CALD1: variants seen among roughly 807,000 people sequenced by gnomAD.
The protein encoded by CALD1 is caldesmon.
In CALD1, 33 loss-of-function variants were observed where a neutral mutation model predicts 99.9. The observed-to-expected ratio is 0.33, with a 90% CI of 0.25 to 0.44. CALD1 has a LOEUF of 0.44. Among genes scored for constraint, CALD1 ranks in the 20% least tolerant of loss-of-function variants. CALD1 has a pLI of 1.00. For missense variants in CALD1, 861 were observed against 962.1 expected, an observed-to-expected ratio of 0.89 and a Z score of 1.39; for synonymous variants, 310 against 325.0, an observed-to-expected ratio of 0.95 and a Z score of 0.50.
intron 3 of CALD1, among the ~76,000 whole-genome samples, chr7:134,872,093 C>T (rs537458285): frequency 2.6e-5 from 4 of 152,266 alleles, no homozygotes; most frequent in East Asian, 3.9e-4. Context: ...TCCAGCTGGG[C>T]GCAGTGGCTC....
intron 1 of CALD1, among the ~76,000 whole-genome samples, chr7:134,752,785 G>A (rs183910833): frequency 6.6e-6 from 1 of 152,180 alleles, no homozygotes; most frequent in East Asian, 1.9e-4. Context: ...CAGATCACCG[G>A]AGGTAAGGAG....
chr7:134,927,700 A>G (rs1349166139), intron 3 of CALD1, among the ~76,000 whole-genome samples: 4 of 151,394 alleles, frequency 2.6e-5, no homozygotes, highest in Non-Finnish European at 5.9e-5. Context: ...GTGGTATGAT[A>G]CTAAGGCACA....
intron 1 of CALD1, among the ~76,000 whole-genome samples, chr7:134,814,464 C>T (rs748851023): frequency 2.6e-5 from 4 of 152,124 alleles, no homozygotes; most frequent in Non-Finnish European, 5.9e-5. Context: ...CCAGTGGTCT[C>T]TCATGAAGAG....
chr7:134,896,324 G>T (rs1802572772), intron 3 of CALD1, among the ~76,000 whole-genome samples: 2 of 136,906 alleles, frequency 1.5e-5, no homozygotes, highest in African/African-American at 2.8e-5. Context: ...TGGGAAACAA[G>T]CATTTTGCAT....
At chr7:134,844,817 C>G (rs1799786923) in intron 2 of CALD1, among the ~76,000 whole-genome samples, 1 of 152,192 alleles carries the variant, frequency 6.6e-6, no homozygotes, top group South Asian at 2.1e-4. Context: ...ACACACCTGT[C>G]TGGTGTCTTT....
At chr7:134,774,708 T>C (rs1796903599), upstream of CALD1, among the ~76,000 whole-genome samples, 1 of 152,176 alleles carries the variant, frequency 6.6e-6, no homozygotes. Context: ...TCAGCGTCCT[T>C]CTTGCTGGCA....
chr7:134,839,137 T>A (rs1215252616), intron 1 of CALD1, among the ~76,000 whole-genome samples: 1 of 152,212 alleles, frequency 6.6e-6, no homozygotes, highest in Non-Finnish European at 1.5e-5. Context: ...ATTTCTAACA[T>A]GAAGTATTAA....
At chr7:134,818,393 T>C (rs10262533) in intron 1 of CALD1, among the ~76,000 whole-genome samples, 6,479 of 152,298 alleles carry the variant, frequency 0.043, 443 homozygotes, top group African/African-American at 0.14. Context: ...AAAAGTAAAT[T>C]GCTTTCTGGT....
At chr7:134,951,940 C>G (rs1360520453) in intron 9 of CALD1, among the ~76,000 whole-genome samples, 1 of 152,152 alleles carries the variant, frequency 6.6e-6, no homozygotes, top group Non-Finnish European at 1.5e-5. Flanking sequence ...GGACTTTTAA[C>G]ATTTCATTTT....
At chr7:134,930,821 T>C (rs181656296) in intron 4 of CALD1, among the ~76,000 whole-genome samples, 158 of 152,310 alleles carry the variant, frequency 1.0e-3, no homozygotes, top group South Asian at 7.3e-3. Context: ...TCAATAAATT[T>C]TCACTGTTAC....
At chr7:134,911,198 C>CTTTTTTT (rs964515625) in intron 3 of CALD1, among the ~76,000 whole-genome samples, 150 of 117,854 alleles carry the variant, frequency 1.3e-3, no homozygotes, top group Admixed American at 2.1e-3. Flanking sequence ...TTTCCTTTTT[C>CTTTTTTT]TTTTTTTTTT....
chr7:134,721,015 T>C, the CALD1 span, among the ~76,000 whole-genome samples: 4 of 152,232 alleles, frequency 2.6e-5, no homozygotes, highest in Non-Finnish European at 5.9e-5. Flanking sequence ...TGTAACTTCT[T>C]AGCAAAGCTG....
intron 2 of CALD1, among the ~76,000 whole-genome samples, chr7:134,852,067 G>T (rs1272345585): frequency 6.6e-6 from 1 of 152,176 alleles, no homozygotes. Flanking sequence ...ACACTGAGCA[G>T]CTTCAGACTT....
At position 134,893,751 on chromosome 7, in the gene CALD1, A is replaced by G. The variant is rs187288900; in HGVS notation, c.71+25947A>G. 2.2e-3 allele frequency among the ~76,000 whole-genome samples: 338 copies of G among 152,308 alleles called. 1 individual carries two copies. Among genetic ancestry groups the G allele is most frequent in the African/African-American group, 5.6e-3 (232 of 41,552 alleles). ...TTCTATTACTAGCTTTGTACCGTCA[A>G]TCGAGGAAAATGACGAGGCAAGTCT... On this transcript the variant is annotated intron_variant, in intron 3 of 14. Coordinates refer to ENST00000361675, the MANE Select transcript of CALD1 (RefSeq NM_033138.4).
chr7:134,893,109 G>C (rs1449136072), intron 3 of CALD1, among the ~76,000 whole-genome samples: 1 of 152,098 alleles, frequency 6.6e-6, no homozygotes, highest in Non-Finnish European at 1.5e-5. Context: ...CCTGAGGCTT[G>C]TTTCCACTCC....
At chr7:134,781,403 C>T (rs1194643199) in intron 1 of CALD1, among the ~76,000 whole-genome samples, 2 of 152,120 alleles carry the variant, frequency 1.3e-5, no homozygotes, top group Non-Finnish European at 2.9e-5. Flanking sequence ...CATCCCCCTT[C>T]TCTTGGGCTC....
At chr7:134,845,170 T>A (rs1799801336) in intron 2 of CALD1, among the ~76,000 whole-genome samples, 1 of 152,286 alleles carries the variant, frequency 6.6e-6, no homozygotes, top group African/African-American at 2.4e-5. Flanking sequence ...TGGGTACAGC[T>A]CTCATTTCCC....
intron 3 of CALD1, among the ~76,000 whole-genome samples, chr7:134,919,656 T>C (rs1236497610): frequency 2.0e-5 from 3 of 152,120 alleles, no homozygotes; most frequent in African/African-American, 7.2e-5. Flanking sequence ...GAATGGGGAA[T>C]AAATGAAGTG....
At chr7:134,717,931 G>A in the CALD1 span, among the ~76,000 whole-genome samples, 1 of 152,170 alleles carries the variant, frequency 6.6e-6, no homozygotes, top group Non-Finnish European at 1.5e-5. Context: ...AAGAGAAAAT[G>A]CTAGCAATAT....
Sources: allele counts gnomAD v4.1 joint callset (sites outside exome capture counted in the v4.1 genomes callset), GRCh38; gene constraint gnomAD v4.1.1; transcripts MANE v1.5; gene names NCBI Gene and HGNC (gene_info 2026-07-23, HGNC 2026-07-21).